Variants in SLCO3A1 observed in about 807,000 individuals in gnomAD.
SLCO3A1 encodes the protein solute carrier organic anion transporter family member 3A1.
A neutral mutation model predicts 63.1 loss-of-function variants in SLCO3A1; 27 were observed. The observed-to-expected ratio is 0.43, with a 90% CI of 0.32 to 0.59. The LOEUF (loss-of-function observed/expected upper bound fraction) is 0.59, where lower values mean the gene tolerates loss of function less well. SLCO3A1 is among the 20% of genes least tolerant of loss of function. The pLI, the probability that SLCO3A1 is intolerant of heterozygous loss-of-function variation, is 0.09. For synonymous variants in SLCO3A1, 473 were observed against 409.9 expected (o/e 1.15, Z -1.86); for missense variants, 773 against 945.8 (o/e 0.82, Z 2.40).
chr15:91,915,916 G>C (rs982697678), intron 1 of SLCO3A1, 77 bp from the exon 2 acceptor site: 2 of 1,242,758 alleles, frequency 1.6e-6, no homozygotes, highest in Non-Finnish European at 2.3e-6. Flanking sequence ...TGGGCAGAGC[G>C]CACTGTCAGG....
chr15:91,879,130 T>C (rs911912816), intron 1 of SLCO3A1, among the ~76,000 whole-genome samples: 1 of 152,178 alleles, frequency 6.6e-6, no homozygotes, highest in African/African-American at 2.4e-5. Context: ...GCAGCCACTT[T>C]TCCAAAGGCA....
chr15:92,159,567 G>GTTT lies in SLCO3A1; in HGVS notation c.1754-3175_1754-3173dup, dbSNP rs11455940. Among the ~76,000 whole-genome samples, 1,121 of 137,828 alleles carry GTTT rather than the reference G, an allele frequency of 8.1e-3. 22 individuals carry two copies. The highest frequency in any genetic ancestry group is 0.028 in the African/African-American group (1,040 of 36,828). The allele number at this position is 137,828 out of a possible 152,430, so 90.4% of individuals were successfully genotyped here. A position where few individuals can be genotyped will look rare whatever the true frequency, so the allele number is the denominator to read the frequency against. On this transcript the variant is annotated intron_variant, in intron 9 of 9. Transcript: ENST00000318445. ...AGCATAGCATGAAAAACTTTGGTAG[G>GTTT]TTTTTTTTTTTTTTTTGGAGATAGG...
rs889284881 is a variant in SLCO3A1, at chr15:91,860,082, C to T, written c.180+5994C>T. 2.0e-5 allele frequency among the ~76,000 whole-genome samples: 3 copies of T among 152,166 alleles called. No homozygotes were observed. The highest frequency in any genetic ancestry group is 7.2e-5 in the African/African-American group (3 of 41,428). On this transcript the variant is annotated intron_variant, in intron 1 of 9. Transcript: ENST00000318445. The surrounding 1 kb of genome is among the most constrained non-coding windows in gnomAD (Gnocchi z 5.5). ...AGTCACATGGGAGAGGAGCCCACTG[C>T]AGGAATGGTGATTCATGTTGATCAT...
chr15:92,094,409 T>C (rs2047513560), intron 2 of SLCO3A1, among the ~76,000 whole-genome samples: 1 of 152,242 alleles, frequency 6.6e-6, no homozygotes, highest in Non-Finnish European at 1.5e-5. Context: ...TTATTATATT[T>C]GAAAATAATT....
At chr15:91,907,463 C>A (rs1041156699) in intron 1 of SLCO3A1, among the ~76,000 whole-genome samples, 1 of 151,218 alleles carries the variant, frequency 6.6e-6, no homozygotes, top group Non-Finnish European at 1.5e-5. Context: ...ACCTTGGCCT[C>A]CCAAAGTGCT....
chr15:92,016,237 ATAGATAGATAGATAGAT>A (rs774161661), intron 2 of SLCO3A1, among the ~76,000 whole-genome samples: 677 of 59,992 alleles, frequency 0.011, 6 homozygotes, highest in Middle Eastern at 0.038. Context: ...AGATAGATAG[ATAGATAGATAGATAGAT>A]TAGATAGATA....
At chr15:92,119,155 A>G (rs2047830816) in intron 4 of SLCO3A1, among the ~76,000 whole-genome samples, 1 of 152,286 alleles carries the variant, frequency 6.6e-6, no homozygotes, top group Middle Eastern at 3.4e-3. Flanking sequence ...ACGTCATACC[A>G]TAATTTAGGA....
At chr15:92,080,136 C>A (rs147811851) in intron 2 of SLCO3A1, among the ~76,000 whole-genome samples, 2 of 152,344 alleles carry the variant, frequency 1.3e-5, no homozygotes, top group Non-Finnish European at 2.9e-5. Flanking sequence ...CGGCTTTGAC[C>A]AACTGCAGAT....
intron 2 of SLCO3A1, among the ~76,000 whole-genome samples, chr15:91,984,997 TTCATCTCAGA>T (rs2046033938): frequency 6.6e-6 from 1 of 152,154 alleles, no homozygotes; most frequent in Non-Finnish European, 1.5e-5. Context: ...ACATAAGTGC[TTCATCTCAGA>T]TCATAAGTGA....
At chr15:91,913,679 C>T (rs534771457) in intron 1 of SLCO3A1, among the ~76,000 whole-genome samples, 33 of 152,246 alleles carry the variant, frequency 2.2e-4, no homozygotes, top group Non-Finnish European at 4.1e-4. Context: ...TGCATAGATA[C>T]ACGTATCTGG....
intron 3 of SLCO3A1, among the ~76,000 whole-genome samples, chr15:92,096,815 A>G (rs2047544376): frequency 6.6e-6 from 1 of 152,074 alleles, no homozygotes; most frequent in Non-Finnish European, 1.5e-5. Flanking sequence ...AGGCAGCCCT[A>G]TTTATTTATA....
intron 6 of SLCO3A1, among the ~76,000 whole-genome samples, chr15:92,127,868 A>G (rs2047944354): frequency 1.3e-5 from 2 of 152,194 alleles, no homozygotes; most frequent in Admixed American, 1.3e-4. Context: ...AAGCAAAGAG[A>G]CAAGAACCAG....
At chr15:92,080,937 G>GCT (rs2047336460) in intron 2 of SLCO3A1, among the ~76,000 whole-genome samples, 1 of 78,114 alleles carries the variant, frequency 1.3e-5, no homozygotes. Flanking sequence ...ATACATAGTA[G>GCT]CTGTGTGTGT....
chr15:91,879,589 A>G (rs1897500489), intron 1 of SLCO3A1, among the ~76,000 whole-genome samples: 1 of 152,206 alleles, frequency 6.6e-6, no homozygotes, highest in South Asian at 2.1e-4. Context: ...GCTGAAAACT[A>G]AGAAAAATAC....
chr15:92,162,560 C>G, intron 9 of SLCO3A1, 196 bp from the exon 10 acceptor site: 1 of 821,810 alleles, frequency 1.2e-6, no homozygotes, highest in South Asian at 2.2e-5. Context: ...GCTTAAATAA[C>G]TTGCTCAGAT....
chr15:92,041,239 G>C lies in SLCO3A1; in HGVS notation c.647-53642G>C, dbSNP rs192432081. 2.1e-3 allele frequency among the ~76,000 whole-genome samples: 326 copies of C among 152,224 alleles called. 3 individuals are homozygous for C. Among genetic ancestry groups the C allele is most frequent in the Non-Finnish European group, 1.2e-3 (79 of 68,026 alleles). ...GCTTTGTTCCTCCTAACCCTTTTGT[G>C]CATGTATAGTACAGGTATGTTTCCA... On this transcript the variant is annotated intron_variant, in intron 2 of 9. Transcript: ENST00000318445.
chr15:91,941,370 C>T lies in SLCO3A1; in HGVS notation c.646+24912C>T. 1 of 368,888 alleles carries T rather than the reference C, an allele frequency of 2.7e-6. No homozygotes were observed. The highest frequency in any genetic ancestry group is 2.1e-5 in the South Asian group (1 of 48,740). The allele number at this position is 368,888 out of a possible 1,614,324, so 22.9% of individuals were successfully genotyped here. On this transcript the variant is annotated intron_variant, in intron 2 of 9. Transcript: ENST00000318445. This position sits in a 1 kb window ranked among gnomAD's most constrained non-coding sequence, Gnocchi z 4.4. Reference sequence around the variant, plus strand: ...ACTGAGCCCAAAGACCTGAGATTCCCTGGGAGGCTGTGGGGTCTGCCACCC... The same window carrying T: ...ACTGAGCCCAAAGACCTGAGATTCCTTGGGAGGCTGTGGGGTCTGCCACCC...
At chr15:91,899,540 T>G (rs1203497171) in intron 1 of SLCO3A1, among the ~76,000 whole-genome samples, 1 of 152,214 alleles carries the variant, frequency 6.6e-6, no homozygotes, top group Non-Finnish European at 1.5e-5. Flanking sequence ...TCTGCCCTAT[T>G]TTTTCATTGC....
At position 91,939,884 on chromosome 15, in the gene SLCO3A1, C is replaced by T. The variant is rs146703082; in HGVS notation, c.646+23426C>T. Among the ~76,000 whole-genome samples, 5 of 152,258 alleles carry T rather than the reference C, an allele frequency of 3.3e-5. No individual in the cohort carries two copies. In the East Asian group the frequency reaches 9.7e-4, roughly 30 times the overall value. ...GCTAGCAATTACTGAGTTCTTCCCA[C>T]GGGCCAGACACTGGTTCTATCTACT... On this transcript the variant is annotated intron_variant, in intron 2 of 9. Transcript: ENST00000318445.
Sources: gnomAD v4.1 joint callset for allele counts (sites outside exome capture counted in the v4.1 genomes callset) on GRCh38, gnomAD v4.1.1 for gene constraint, Gnocchi (gnomAD v3.1) non-coding constraint, MANE v1.5 for transcripts, NCBI Gene and HGNC (gene_info 2026-07-23, HGNC 2026-07-21) for gene names.